PTPRN2: variants seen among roughly 807,000 people sequenced by gnomAD.
PTPRN2 encodes the protein protein tyrosine phosphatase receptor type N2, also known as receptor-type tyrosine-protein phosphatase N2.
In PTPRN2, 74 loss-of-function variants were observed where a neutral mutation model predicts 118.8. The observed-to-expected ratio is 0.62, with a 90% CI of 0.52 to 0.76. The LOEUF is 0.76. PTPRN2 is among the 30% of genes least tolerant of loss of function. PTPRN2 has a pLI of 0.00. For synonymous variants in PTPRN2, 641 were observed against 608.0 expected, an observed-to-expected ratio of 1.05 and a Z score of -0.80; for missense variants, 1,481 against 1,394.4, an observed-to-expected ratio of 1.06 and a Z score of -0.99.
chr7:158,244,729 T>A (rs1242576936), intron 3 of PTPRN2, among the ~76,000 whole-genome samples: 1 of 8,238 alleles, frequency 1.2e-4, no homozygotes, highest in Non-Finnish European at 2.2e-4. Context: ...AGAGTGAAAG[T>A]GTGTGTGTGT....
At chr7:157,672,229 G>C (rs188695346) in intron 13 of PTPRN2, among the ~76,000 whole-genome samples, 1 of 152,126 alleles carries the variant, frequency 6.6e-6, no homozygotes, top group Non-Finnish European at 1.5e-5. Context: ...ACGCATGCCC[G>C]GGGCGAGGAA....
intron 2 of PTPRN2, among the ~76,000 whole-genome samples, chr7:158,337,297 C>T (rs1313722377): frequency 1.3e-5 from 2 of 148,886 alleles, no homozygotes; most frequent in Admixed American, 6.7e-5. Context: ...ACCATAAGAG[C>T]TGTCACGCAC....
chr7:157,571,582 T>C, intron 19 of PTPRN2, 89 bp from the exon 20 acceptor site: 1 of 959,362 alleles, frequency 1.0e-6, no homozygotes, highest in Non-Finnish European at 1.6e-6. Flanking sequence ...GCAAGGTCTG[T>C]GTGTTTGAAA....
chr7:157,979,298 T>C (rs531828365), intron 11 of PTPRN2, among the ~76,000 whole-genome samples: 3 of 148,910 alleles, frequency 2.0e-5, no homozygotes, highest in African/African-American at 7.2e-5. Flanking sequence ...AAATTCCCAA[T>C]AGAAAGACAT....
intron 2 of PTPRN2, among the ~76,000 whole-genome samples, chr7:158,334,616 GC>G (rs1402856368): frequency 1.2e-5 from 1 of 82,268 alleles, no homozygotes; most frequent in Admixed American, 1.3e-4. Context: ...AAGAGCCGAC[GC>G]CCGCAGACGT....
chr7:157,613,646 C>T (rs1003838315), intron 15 of PTPRN2, among the ~76,000 whole-genome samples: 1 of 152,222 alleles, frequency 6.6e-6, no homozygotes, highest in Non-Finnish European at 1.5e-5. Context: ...CCAGCCGACC[C>T]CGCCGCCTCC....
intron 12 of PTPRN2, among the ~76,000 whole-genome samples, chr7:157,816,822 C>T (rs1806434798): frequency 6.6e-6 from 1 of 152,236 alleles, no homozygotes; most frequent in Non-Finnish European, 1.5e-5. Context: ...TCTCTTGCCC[C>T]ACATGTGGAT....
At chr7:157,697,797 T>A (rs1191476374) in intron 12 of PTPRN2, among the ~76,000 whole-genome samples, 1 of 137,774 alleles carries the variant, frequency 7.3e-6, no homozygotes, top group Non-Finnish European at 1.6e-5. Flanking sequence ...CATCTACCCA[T>A]GCATACTGGG....
chr7:157,595,574 AG>A (rs1801270695), intron 16 of PTPRN2, among the ~76,000 whole-genome samples: 1 of 112,250 alleles, frequency 8.9e-6, no homozygotes, highest in African/African-American at 4.3e-5. Flanking sequence ...TTAGGAAGCC[AG>A]GAGGTTAGGA....
At chr7:157,860,966 A>C (rs1810190043) in intron 12 of PTPRN2, among the ~76,000 whole-genome samples, 1 of 152,258 alleles carries the variant, frequency 6.6e-6, no homozygotes, top group African/African-American at 2.4e-5. Context: ...GCTGGCCCAA[A>C]GTTAATTAAA....
At chr7:158,236,449 C>A (rs1201233482) in intron 3 of PTPRN2, among the ~76,000 whole-genome samples, 1 of 152,202 alleles carries the variant, frequency 6.6e-6, no homozygotes, top group East Asian at 1.9e-4. Flanking sequence ...GGTAAGGCTG[C>A]CTGGGCCCTG....
chr7:157,634,980 G>A (rs920945354), intron 14 of PTPRN2, among the ~76,000 whole-genome samples: 1 of 152,232 alleles, frequency 6.6e-6, no homozygotes, highest in African/African-American at 2.4e-5. Flanking sequence ...CAGCCAGCAT[G>A]TCTCGAGTGT....
intron 12 of PTPRN2, among the ~76,000 whole-genome samples, chr7:157,832,267 G>A (rs927966140): frequency 2.0e-5 from 3 of 152,178 alleles, no homozygotes; most frequent in Admixed American, 6.5e-5. Flanking sequence ...ATTTCAGACC[G>A]ATCAGAGGCG....
intron 11 of PTPRN2, among the ~76,000 whole-genome samples, chr7:158,049,758 C>A (rs565006484): frequency 3.3e-5 from 5 of 152,226 alleles, no homozygotes; most frequent in African/African-American, 1.2e-4. Context: ...AAAAAATGAG[C>A]CAGGCGTGGT....
At chr7:158,258,682 C>T (rs1563049203) in intron 3 of PTPRN2, among the ~76,000 whole-genome samples, 1 of 152,192 alleles carries the variant, frequency 6.6e-6, no homozygotes. Context: ...AAGGTGGATT[C>T]TCTTGCTTTT....
rs897251789 is a variant in PTPRN2 at position 157,585,453 on chromosome 7, AGGGGTTCCCAC to A, written c.2497-7324_2497-7314del. Among the ~76,000 whole-genome samples, 2 of 152,146 alleles carry A rather than the reference AGGGGTTCCCAC, an allele frequency of 1.3e-5. No homozygotes were observed. The highest frequency in any genetic ancestry group is 1.3e-4 in the Admixed American group (2 of 15,272). On this transcript the variant is annotated intron_variant, in intron 17 of 22. Coordinates refer to ENST00000389418, the MANE Select transcript of PTPRN2 (RefSeq NM_002847.5). The surrounding 1 kb of genome is among the most constrained non-coding windows in gnomAD (Gnocchi z 5.2). ...GCTTGGTGTGGCCATCCTGCCGCAT[AGGGGTTCCCAC>A]GGTGGGAATGCACTCACACACTGGA... is the stretch of plus-strand genomic sequence containing the variant.
In PTPRN2 at chr7:158,263,177, GCA is replaced by G. The variant is rs199559112; in HGVS notation, c.277+53640_277+53641del. 6.0e-5 allele frequency among the ~76,000 whole-genome samples: 9 copies of G among 150,460 alleles called. No homozygotes were observed. In the South Asian group the frequency reaches 6.3e-4, roughly 11 times the overall value. On this transcript the variant is annotated intron_variant, in intron 3 of 22. Transcript: ENST00000389418. ...ACACAGTCACACATTCACACACACTGCACACACATTCACACACACTGCACATG... is the reference window on the plus strand; with the variant it reads ...ACACAGTCACACATTCACACACACTGCACACATTCACACACACTGCACATG...
chr7:157,966,494 A>G (rs376559129), intron 11 of PTPRN2, among the ~76,000 whole-genome samples: 46 of 152,104 alleles, frequency 3.0e-4, no homozygotes, highest in East Asian at 2.5e-3. Flanking sequence ...AATCCCCATT[A>G]TCACCATCAT....
At chr7:157,703,816 A>C (rs1406425387) in intron 12 of PTPRN2, among the ~76,000 whole-genome samples, 1 of 151,900 alleles carries the variant, frequency 6.6e-6, no homozygotes, top group African/African-American at 2.4e-5. Flanking sequence ...GGAAAACTAC[A>C]TTTGCCTCAC....
Sources: allele counts gnomAD v4.1 joint callset (sites outside exome capture counted in the v4.1 genomes callset), GRCh38; gene constraint gnomAD v4.1.1; non-coding constraint Gnocchi (gnomAD v3.1); transcripts MANE v1.5; gene names NCBI Gene and HGNC (gene_info 2026-07-23, HGNC 2026-07-21).